The following BMP8A variants were observed in gnomAD, a reference collection of about 807,000 sequenced individuals.
BMP8A encodes bone morphogenetic protein 8a.
In BMP8A, 14 loss-of-function variants were observed where a neutral mutation model predicts 36.8. The ratio of observed to expected loss-of-function variants is 0.38; its 90% CI spans 0.25 to 0.60. BMP8A has a LOEUF of 0.60. Among genes scored for constraint, BMP8A ranks in the 20% least tolerant of loss-of-function variants. BMP8A has a pLI of 0.63. For missense variants in BMP8A, 267 were observed against 551.1 expected (o/e 0.48, Z 5.16); for synonymous variants, 120 against 237.7 (o/e 0.50, Z 4.55).
chr1:39,494,986 G>C (rs1315521674), intron 1 of BMP8A, among the ~76,000 whole-genome samples: 1 of 113,818 alleles, frequency 8.8e-6, no homozygotes, highest in Non-Finnish European at 1.6e-5. Context: ...TCTCAGAGTA[G>C]CTTTAACTGG....
In BMP8A at chr1:39,529,800, G is replaced by C. The variant is rs997478397; in HGVS notation, c.*4002G>C. 1.3e-5 allele frequency among the ~76,000 whole-genome samples: 2 copies of C among 152,140 alleles called. No individual in the cohort carries two copies. The highest frequency in any genetic ancestry group is 4.8e-5 in the African/African-American group (2 of 41,410). On this transcript the variant is annotated 3_prime_UTR_variant, in exon 7 of 7. Transcript: ENST00000331593. The stretch of plus-strand genomic sequence containing the variant: ...AGGATCCTACTCTATGCACTGCTTG[G>C]TGATCGGATCTATTCAATGTACAAA...
chr1:39,497,523 A>C (rs1445503743), intron 1 of BMP8A, among the ~76,000 whole-genome samples: 1 of 152,186 alleles, frequency 6.6e-6, no homozygotes, highest in African/African-American at 2.4e-5. Flanking sequence ...TTTTCAATGA[A>C]GGTGGGTCAG....
chr1:39,503,800 A>G (rs1645274502), intron 1 of BMP8A, among the ~76,000 whole-genome samples: 1 of 151,976 alleles, frequency 6.6e-6, no homozygotes, highest in South Asian at 2.1e-4. Context: ...GGCAGGAGCC[A>G]CTGCACCTGG....
rs140461726 is a variant in BMP8A, at chr1:39,508,810, T to C, written c.335-2364T>C. ...CACCCCAGGAAGTTTTATCAGTTTC[T>C]GATAAAAATCATTATTTTCCTAAAA... On this transcript the variant is annotated intron_variant, in intron 1 of 6. Coordinates refer to ENST00000331593, the MANE Select transcript of BMP8A (RefSeq NM_181809.4). Among the ~76,000 whole-genome samples, 733 of 152,358 alleles carry C rather than the reference T, an allele frequency of 4.8e-3. 3 individuals are homozygous for C. Among genetic ancestry groups the C allele is most frequent in the African/African-American group, 0.017 (698 of 41,590 alleles).
At chr1:39,509,501 C>T (rs946699608) in intron 1 of BMP8A, among the ~76,000 whole-genome samples, 2 of 152,170 alleles carry the variant, frequency 1.3e-5, no homozygotes, top group African/African-American at 4.8e-5. Flanking sequence ...CTCAGGCGAG[C>T]TTTTGCTGCA....
Position 39,529,417 on chromosome 1 carries a change from GC to G in BMP8A, c.*3620del, listed in dbSNP as rs1645513838. On this transcript the variant is annotated 3_prime_UTR_variant, in exon 7 of 7. Transcript: ENST00000331593. ...CAGTGACCCACGCGCTAGGGTCTCT[GC>G]TGAGGAAGTGGCAGGTGTGCGGCCC... Among the ~76,000 whole-genome samples the G allele has an allele frequency of 6.6e-6, 1 of 152,234 alleles. No individual in the cohort carries two copies. Among genetic ancestry groups the G allele is most frequent in the Non-Finnish European group, 1.5e-5 (1 of 68,044 alleles).
At chr1:39,509,356 G>A (rs1440491446) in intron 1 of BMP8A, among the ~76,000 whole-genome samples, 1 of 152,208 alleles carries the variant, frequency 6.6e-6, no homozygotes, top group Non-Finnish European at 1.5e-5. Context: ...CCCAAGTCGT[G>A]TTGTGTGAGT....
At chr1:39,509,644 C>T (rs1645334109) in intron 1 of BMP8A, among the ~76,000 whole-genome samples, 1 of 152,222 alleles carries the variant, frequency 6.6e-6, no homozygotes, top group Non-Finnish European at 1.5e-5. Context: ...TGTTCGCCTG[C>T]CCTTGGCTGG....
In BMP8A at chr1:39,508,234, G is replaced by A. The variant is rs148744097; in HGVS notation, c.335-2940G>A. Among the ~76,000 whole-genome samples the A allele has an allele frequency of 3.3e-3, 484 of 144,668 alleles. 2 individuals are homozygous for A. Among genetic ancestry groups the A allele is most frequent in the African/African-American group, 0.012 (466 of 39,214 alleles). 94.9% of individuals were successfully genotyped at this position (144,668 alleles called of 152,430 possible). A position where few individuals can be genotyped will look rare whatever the true frequency, so the allele number is the denominator to read the frequency against. On this transcript the variant is annotated intron_variant, in intron 1 of 6. Coordinates refer to ENST00000331593, the MANE Select transcript of BMP8A (RefSeq NM_181809.4). ...CCACTGCACTGCAGCCTGGGAGACA[G>A]AGCAAGACTCCGTCTCAAAAAAAAA...
In BMP8A at chr1:39,528,077, T is replaced by C. The variant is rs1284514723; in HGVS notation, c.*2279T>C. Among the ~76,000 whole-genome samples, 1 of 152,096 alleles carries C rather than the reference T, an allele frequency of 6.6e-6. No homozygotes were observed. Among genetic ancestry groups the C allele is most frequent in the Non-Finnish European group, 1.5e-5 (1 of 68,014 alleles). On this transcript the variant is annotated 3_prime_UTR_variant, in exon 7 of 7. Transcript: ENST00000331593. ...GTGCCCAGTGTGTAACCTGGCATGG[T>C]TTGGGTGTGCTAGGAGTTTGTGAAA...
At chr1:39,496,865 G>A (rs1341732863) in intron 1 of BMP8A, among the ~76,000 whole-genome samples, 7 of 152,162 alleles carry the variant, frequency 4.6e-5, no homozygotes, top group African/African-American at 1.7e-4. Context: ...TATTTTGGGG[G>A]AATTTATAGA....
chr1:39,507,650 G>C (rs1645313350), intron 1 of BMP8A, among the ~76,000 whole-genome samples: 1 of 152,176 alleles, frequency 6.6e-6, no homozygotes, highest in Non-Finnish European at 1.5e-5. Flanking sequence ...CTGCCGCTCA[G>C]CCAGGCATCT....
At chr1:39,492,352 C>T (rs763686618) in intron 1 of BMP8A, 27 bp downstream of exon 1, 4 of 1,524,530 alleles carry the variant, frequency 2.6e-6, no homozygotes, top group Non-Finnish European at 3.5e-6. Context: ...GCGCGGGGAC[C>T]CTCGGAGTAA....
At chr1:39,516,007 T>A in intron 3 of BMP8A, 1 of 1,220,026 alleles carries the variant, frequency 8.2e-7, no homozygotes, top group Non-Finnish European at 1.1e-6. Flanking sequence ...ATGAGGTGGA[T>A]GCCGACCTCA....
intron 1 of BMP8A, among the ~76,000 whole-genome samples, chr1:39,503,585 G>A (rs1408038227): frequency 6.7e-6 from 1 of 148,612 alleles, no homozygotes; most frequent in Non-Finnish European, 1.5e-5. Flanking sequence ...TGCAATCTTG[G>A]GTCACTGCAA....
At chr1:39,515,699 C>T in intron 3 of BMP8A, 2 of 1,576,076 alleles carry the variant, frequency 1.3e-6, no homozygotes, top group South Asian at 2.2e-5. Flanking sequence ...TGGGGGCTTC[C>T]CCCCAGAAGA....
intron 5 of BMP8A, among the ~76,000 whole-genome samples, 184 bp downstream of exon 5, chr1:39,522,666 T>G (rs1169338737): frequency 3.0e-4 from 45 of 147,812 alleles, no homozygotes; most frequent in Admixed American, 5.5e-4. Flanking sequence ...TTGTTGTGTT[T>G]TTTGTTTTTT....
Position 39,502,243 on chromosome 1 carries a change from A to G in BMP8A, c.335-8931A>G, listed in dbSNP as rs888424752. On this transcript the variant is annotated intron_variant, in intron 1 of 6. Coordinates refer to ENST00000331593, the MANE Select transcript of BMP8A (RefSeq NM_181809.4). ...ACAGAGTGAGACTGTCTCAAAAAAA[A>G]AAAAAAAAGAAAAGGAAACCCCACA... Among the ~76,000 whole-genome samples the G allele has an allele frequency of 9.1e-4, 138 of 151,314 alleles. 1 individual carries two copies. The highest frequency in any genetic ancestry group is 3.2e-3 in the African/African-American group (134 of 41,414).
chr1:39,514,664 G>A (rs1047398111), intron 3 of BMP8A, among the ~76,000 whole-genome samples: 1 of 152,050 alleles, frequency 6.6e-6, no homozygotes, highest in Non-Finnish European at 1.5e-5. Flanking sequence ...GCTCCACTGG[G>A]GCAGGAGGGG....
Sources: gnomAD v4.1 joint callset for allele counts (sites outside exome capture counted in the v4.1 genomes callset) on GRCh38, gnomAD v4.1.1 for gene constraint, MANE v1.5 for transcripts, NCBI Gene and HGNC (gene_info 2026-07-23, HGNC 2026-07-21) for gene names.